The following NTRK2 variants were observed in gnomAD, a reference collection of about 807,000 sequenced individuals.
NTRK2 encodes neurotrophic receptor tyrosine kinase 2.
Under a neutral mutation model 94.5 loss-of-function variants are expected in NTRK2, and 13 were observed. The ratio of observed to expected loss-of-function variants is 0.14; its 90% CI spans 0.09 to 0.22. The LOEUF is 0.22. Among genes scored for constraint, NTRK2 ranks in the 10% least tolerant of loss-of-function variants. NTRK2 has a pLI of 1.00. For missense variants in NTRK2, 639 were observed against 1,071.2 expected (o/e 0.60, Z 5.63); for synonymous variants, 372 against 407.4 (o/e 0.91, Z 1.05).
chr9:84,734,249 A>G (rs1034834182), intron 9 of NTRK2, among the ~76,000 whole-genome samples: 4 of 152,238 alleles, frequency 2.6e-5, no homozygotes, highest in African/African-American at 7.2e-5. Flanking sequence ...TGCCTGACAC[A>G]TGATAGGCAG....
Position 84,938,406 on chromosome 9 carries a change from G to A in NTRK2, c.1764+4114G>A, listed in dbSNP as rs13290496. Among the ~76,000 whole-genome samples the A allele has an allele frequency of 3.5e-4, 54 of 152,238 alleles. 1 individual carries two copies. The highest frequency in any genetic ancestry group is 1.1e-3 in the African/African-American group (46 of 41,560). ...CTTGGCCCAGGTAACTCCCATCCAC[G>A]CATCAGCTCTCAGTTCAAGTTGTCC... On this transcript the variant is annotated intron_variant, in intron 15 of 18. Transcript: ENST00000277120.
At chr9:84,890,982 G>T (rs2076577641) in intron 14 of NTRK2, among the ~76,000 whole-genome samples, 1 of 152,188 alleles carries the variant, frequency 6.6e-6, no homozygotes, top group Admixed American at 6.5e-5. Context: ...CTAATTCTGT[G>T]TGACAAACCA....
chr9:84,752,243 G>T (rs930324284), intron 12 of NTRK2, among the ~76,000 whole-genome samples, 158 bp downstream of exon 12: 3 of 152,180 alleles, frequency 2.0e-5, no homozygotes, highest in Non-Finnish European at 4.4e-5. Flanking sequence ...AATCAAGACG[G>T]AGCAAAATAA....
At chr9:84,683,781 G>T (rs1464454063) in intron 2 of NTRK2, among the ~76,000 whole-genome samples, 3 of 152,174 alleles carry the variant, frequency 2.0e-5, no homozygotes, top group Non-Finnish European at 4.4e-5. Context: ...TTCCACAATG[G>T]TTGAACTAAT....
chr9:84,938,183 C>T (rs377437747), intron 15 of NTRK2, among the ~76,000 whole-genome samples: 3 of 152,148 alleles, frequency 2.0e-5, no homozygotes, highest in South Asian at 2.1e-4. Flanking sequence ...CAAGCACTTT[C>T]GTTGGAATCT....
intron 12 of NTRK2, among the ~76,000 whole-genome samples, chr9:84,831,816 A>C (rs2131677611): frequency 6.6e-6 from 1 of 152,346 alleles, no homozygotes; most frequent in South Asian, 2.1e-4. Context: ...ACAGGATGTA[A>C]GTACACTTAG....
intron 2 of NTRK2, among the ~76,000 whole-genome samples, chr9:84,695,494 A>C (rs1021939319): frequency 6.6e-6 from 1 of 152,212 alleles, no homozygotes; most frequent in African/African-American, 2.4e-5. Context: ...CTTATTTTCC[A>C]AAAAGCCAGC....
At chr9:84,718,562 G>A (rs1055965356) in intron 6 of NTRK2, among the ~76,000 whole-genome samples, 1 of 152,094 alleles carries the variant, frequency 6.6e-6, no homozygotes. Context: ...AGACATTTAC[G>A]CAGAGGTATC....
intron 14 of NTRK2, among the ~76,000 whole-genome samples, chr9:84,878,333 C>G (rs2132178359): frequency 6.6e-6 from 1 of 152,202 alleles, no homozygotes; most frequent in East Asian, 1.9e-4. Flanking sequence ...TCCTGTCTTT[C>G]CTTAAAATTC....
intron 17 of NTRK2, among the ~76,000 whole-genome samples, chr9:84,961,785 C>A (rs1588056020): frequency 6.6e-6 from 1 of 152,162 alleles, no homozygotes; most frequent in East Asian, 1.9e-4. Flanking sequence ...AAAATGGGAA[C>A]CCAAAAGAGG....
At chr9:84,950,404 AT>A (rs2078738019) in intron 16 of NTRK2, among the ~76,000 whole-genome samples, 1 of 152,138 alleles carries the variant, frequency 6.6e-6, no homozygotes, top group Admixed American at 6.5e-5. Flanking sequence ...GAAGTGGCAA[AT>A]ACATTATCAT....
rs752976453 is a variant in NTRK2 at position 84,934,254 on chromosome 9, C to T, written c.1726C>T (p.Leu576Phe). 40 of 1,613,786 alleles carry T rather than the reference C, an allele frequency of 2.5e-5. 1 individual carries two copies. In the South Asian group the frequency reaches 2.6e-4, roughly 11 times the overall value. ...AGTGTTCCTAGCTGAATGCTATAAC[C>T]TCTGTCCTGAGCAGGACAAGATCTT... ...GKVFLAECYN[L>F]CPEQDKILVA... The change falls in exon 15 of 19, where the codon CTC becomes TTC. Residue 576 changes from leucine to phenylalanine, a missense_variant. Around this residue, in one of 5 missense-constraint regions of NTRK2, gnomAD observed 343 missense variants for 571.5 expected, o/e 0.60. Coordinates refer to ENST00000277120, the MANE Select transcript of NTRK2 (RefSeq NM_006180.6).
intron 14 of NTRK2, among the ~76,000 whole-genome samples, chr9:84,889,047 G>C (rs994301290): frequency 4.6e-5 from 6 of 129,462 alleles, no homozygotes; most frequent in Non-Finnish European, 9.3e-5. Context: ...CTGGAGTGCA[G>C]TGGCGCGATC....
At chr9:84,822,882 A>T (rs1181418455) in intron 12 of NTRK2, among the ~76,000 whole-genome samples, 1 of 152,132 alleles carries the variant, frequency 6.6e-6, no homozygotes, top group East Asian at 1.9e-4. Context: ...TACGAGGTGC[A>T]TTCTCAACAG....
In NTRK2 at chr9:84,948,489, C is replaced by T. The variant is rs2078672649; in HGVS notation, c.1792C>T (p.Arg598Cys). 5.6e-6 allele frequency: 9 copies of T among 1,614,036 alleles called. No individual in the cohort carries two copies. Among genetic ancestry groups the T allele is most frequent in the East Asian group, 4.5e-5 (2 of 44,890 alleles). Residue 598 changes from arginine (R) to cysteine (C), a missense_variant, in exon 16 of 19, where the codon CGC becomes TGC. This residue lies in a region of NTRK2 where 343 missense variants were observed against 571.5 expected (regional missense o/e 0.60). Coordinates refer to ENST00000277120, the MANE Select transcript of NTRK2 (RefSeq NM_006180.6). ...KTLKDASDNA[R>C]KDFHREAELL... is the part of the protein sequence containing the mutation. ...CCTGAAGGATGCCAGTGACAATGCA[C>T]GCAAGGACTTCCACCGTGAGGCCGA...
intron 12 of NTRK2, among the ~76,000 whole-genome samples, chr9:84,839,245 C>T (rs2074041567): frequency 6.6e-6 from 1 of 152,186 alleles, no homozygotes; most frequent in African/African-American, 2.4e-5. Flanking sequence ...CTTTAAAAAA[C>T]TTGAAATAAT....
At position 85,024,003 on chromosome 9, in the gene NTRK2, G is replaced by C. The variant is rs551667556; in HGVS notation, c.*2566G>C. 1.1e-4 allele frequency: 26 copies of C among 228,286 alleles called. No homozygotes were observed. The highest frequency in any genetic ancestry group is 5.5e-4 in the African/African-American group (25 of 45,076). 14.1% of individuals were successfully genotyped at this position (228,286 alleles called of 1,614,324 possible). The stretch of plus-strand genomic sequence containing the variant: ...AGTTTTGTCTTTTTTTTCTCTGAAA[G>C]AAAAAAGCAAAAAATAAAATAAAAT... On this transcript the variant is annotated 3_prime_UTR_variant, in exon 19 of 19. Coordinates refer to ENST00000277120, the MANE Select transcript of NTRK2 (RefSeq NM_006180.6).
intron 14 of NTRK2, chr9:84,875,551 T>C (rs1197978481): frequency 1.9e-5 from 20 of 1,063,174 alleles, no homozygotes; most frequent in Non-Finnish European, 2.2e-5. Context: ...CCTAGCTAGC[T>C]CCTTTCAAAG....
At chr9:84,793,762 A>G (rs965855299) in intron 12 of NTRK2, among the ~76,000 whole-genome samples, 3 of 152,212 alleles carry the variant, frequency 2.0e-5, no homozygotes, top group African/African-American at 7.2e-5. Flanking sequence ...TGTTGCTCGC[A>G]GAAATGACTA....
Sources: gnomAD v4.1 joint callset for allele counts (sites outside exome capture counted in the v4.1 genomes callset) on GRCh38, gnomAD v4.1.1 for gene constraint, gnomAD v4.1.1 regional missense constraint, MANE v1.5 for transcripts, NCBI Gene and HGNC (gene_info 2026-07-23, HGNC 2026-07-21) for gene names.